Variants in RAD17 observed in about 807,000 individuals in gnomAD.
RAD17 encodes the protein cell cycle checkpoint protein RAD17.
Under a neutral mutation model 81.5 loss-of-function variants are expected in RAD17, and 31 were observed. The ratio of observed to expected loss-of-function variants is 0.38; its 90% CI spans 0.29 to 0.51. The LOEUF (loss-of-function observed/expected upper bound fraction) is 0.51. Among genes scored for constraint, RAD17 ranks in the 20% least tolerant of loss-of-function variants. The pLI is 0.88. For missense variants in RAD17, 681 were observed against 781.2 expected (o/e 0.87, Z 1.53); for synonymous variants, 261 against 266.2 (o/e 0.98, Z 0.19).
chr5:69,371,200 GTTT>G (rs376841818), intron 2 of RAD17, 29 bp downstream of exon 2: 1 of 428,358 alleles, frequency 2.3e-6, no homozygotes, highest in Non-Finnish European at 4.4e-6. Flanking sequence ...TGGTTTTTTT[GTTT>G]TTTTTTTTCT....
Position 69,374,011 on chromosome 5 carries a change from T to A in RAD17, c.191T>A (p.Ile64Asn), listed in dbSNP as rs1178544774. ...KRGNLSSLEQ[I>N]YGLENSKEYL... Reference sequence around the variant, plus strand: ...GGAAATCTATCTTCCTTAGAACAGATTTATGGTTTAGAAAATTCAAAAGAA... The same window carrying A: ...GGAAATCTATCTTCCTTAGAACAGAATTATGGTTTAGAAAATTCAAAAGAA... The change falls in exon 5 of 19, where the codon ATT becomes AAT. Residue 64 changes from isoleucine (I) to asparagine (N), a missense_variant. Transcript: ENST00000354868. 3.7e-6 allele frequency: 6 copies of A among 1,611,644 alleles called. No individual in the cohort carries two copies. The highest frequency in any genetic ancestry group is 5.1e-6 in the Non-Finnish European group (6 of 1,178,254).
chr5:69,371,870 G>C (rs1763029987), intron 3 of RAD17, among the ~76,000 whole-genome samples, 164 bp from the exon 4 acceptor site: 1 of 152,180 alleles, frequency 6.6e-6, no homozygotes, highest in Non-Finnish European at 1.5e-5. Flanking sequence ...TAGAAGTAAT[G>C]TAATTCAGTG....
intron 16 of RAD17, among the ~76,000 whole-genome samples, chr5:69,396,942 C>G (rs544895782): frequency 8.3e-4 from 126 of 152,280 alleles, no homozygotes; most frequent in Non-Finnish European, 1.5e-3. Context: ...AAGCAGTTCT[C>G]CTGCCTCAGC....
In RAD17 at chr5:69,373,931, AAGAAAAAATGGGCCTTCTACATT is replaced by A; in HGVS notation, c.117_139del (p.Asn40GlnfsTer29). The A allele has an allele frequency of 6.2e-7, 1 of 1,613,284 alleles. No homozygotes were observed. Among genetic ancestry groups the A allele is most frequent in the South Asian group, 1.1e-5 (1 of 91,066 alleles). ...TAGGTGTGAATAACTCAAGTCATAG[AAGAAAAAATGGGCCTTCTACATT>A]AGAAAGCAGCAGATTTCCAGCGAGA... On this transcript the variant is annotated frameshift_variant, in exon 5 of 19. Coordinates refer to ENST00000354868, the MANE Select transcript of RAD17 (RefSeq NM_133338.3). LOFTEE classifies it high-confidence loss of function.
chr5:69,389,802 A>G (rs936622901), intron 12 of RAD17, among the ~76,000 whole-genome samples: 5 of 152,042 alleles, frequency 3.3e-5, no homozygotes, highest in Admixed American at 6.6e-5. Context: ...CACCACGCCC[A>G]GCTAATTGTA....
intron 15 of RAD17, 105 bp from the exon 16 acceptor site, chr5:69,396,292 G>A: frequency 8.1e-7 from 1 of 1,239,098 alleles, no homozygotes. Flanking sequence ...TGAAGAAAGT[G>A]AACACATAGA....
rs575225070 is a variant in RAD17 at position 69,406,360 on chromosome 5, AGAATGGGATTACC to A, written c.1694-4132_1694-4120del. Among the ~76,000 whole-genome samples, 517 of 152,340 alleles carry A rather than the reference AGAATGGGATTACC, an allele frequency of 3.4e-3. 1 individual carries two copies. The highest frequency in any genetic ancestry group is 5.0e-3 in the Non-Finnish European group (339 of 68,040). ...AGTTGATCTCATAATAGTAGAGCAC[AGAATGGGATTACC>A]ATGGGCTTGGGTGGTAGGGGAGTTG... On this transcript the variant is annotated intron_variant, in intron 17 of 18. Transcript: ENST00000354868.
chr5:69,383,752 G>C (rs1764001991), intron 7 of RAD17, among the ~76,000 whole-genome samples: 1 of 152,078 alleles, frequency 6.6e-6, no homozygotes, highest in African/African-American at 2.4e-5. Context: ...AAGCATTTAA[G>C]GGATTCTCAC....
At chr5:69,403,631 AT>A (rs1248588081) in intron 17 of RAD17, among the ~76,000 whole-genome samples, 21 of 152,306 alleles carry the variant, frequency 1.4e-4, no homozygotes, top group African/African-American at 4.8e-4. Context: ...TATCTTTAAA[AT>A]TTCTGGGCCA....
Position 69,414,727 on chromosome 5 carries a change from G to T in RAD17, c.*435G>T. 5.3e-6 allele frequency: 1 copy of T among 187,680 alleles called. No homozygotes were observed. The highest frequency in any genetic ancestry group is 1.1e-5 in the Non-Finnish European group (1 of 89,490). The allele number at this position is 187,680 out of a possible 1,614,324, so 11.6% of individuals were successfully genotyped here. ...GCTTCTCAGATAGTTTTGATGTGTT[G>T]TACAGTGGAATATCTTAGATACTTT... On this transcript the variant is annotated 3_prime_UTR_variant, in exon 19 of 19. Coordinates refer to ENST00000354868, the MANE Select transcript of RAD17 (RefSeq NM_133338.3).
chr5:69,385,376 C>G (rs1036180949), intron 8 of RAD17, among the ~76,000 whole-genome samples: 1 of 147,730 alleles, frequency 6.8e-6, no homozygotes, highest in African/African-American at 2.5e-5. Flanking sequence ...TGAAACAATT[C>G]TCATGCCTCA....
rs1238626772 is a variant in RAD17 at position 69,386,258 on chromosome 5, A to G, written c.777A>G (p.Leu259=). 3 of 1,606,924 alleles carry G rather than the reference A, an allele frequency of 1.9e-6. No individual in the cohort carries two copies. The Admixed American group carries it at 5.0e-5, about 27-fold the overall frequency. ...DSLSGDNNQR[L]LFPKEIQEEC... is the part of the protein sequence containing the mutation. ...TCAGTGGAGATAATAATCAAAGGTT[A>G]TTGTTTCCCAAAGAAATTCAGGAAG... Residue 259 remains leucine (L), a synonymous_variant, in exon 10 of 19, where the codon TTA becomes TTG. Coordinates refer to ENST00000354868, the MANE Select transcript of RAD17 (RefSeq NM_133338.3).
chr5:69,407,576 T>C (rs1207113183), intron 17 of RAD17, among the ~76,000 whole-genome samples: 2 of 128,574 alleles, frequency 1.6e-5, no homozygotes, highest in African/African-American at 5.7e-5. Flanking sequence ...TTTTTTTTTT[T>C]TTTTTTTTTT....
At chr5:69,389,672 G>C (rs958977217) in intron 12 of RAD17, among the ~76,000 whole-genome samples, 1 of 152,180 alleles carries the variant, frequency 6.6e-6, no homozygotes, top group Non-Finnish European at 1.5e-5. Flanking sequence ...ACGGAGTCTC[G>C]CTCTGCCGCC....
Position 69,386,243 on chromosome 5 carries a change from T to G in RAD17, c.762T>G (p.Asp254Glu), listed in dbSNP as rs368875162. 6.2e-7 allele frequency: 1 copy of G among 1,608,082 alleles called. No individual in the cohort carries two copies. Among genetic ancestry groups the G allele is most frequent in the Non-Finnish European group, 8.5e-7 (1 of 1,176,374 alleles). Residue 254 changes from aspartate (D) to glutamate (E), a missense_variant, in exon 10 of 19, where the codon GAT (aspartate) becomes GAG (glutamate). Physicochemically the swap from Asp to Glu is conservative, Grantham distance 45. Coordinates refer to ENST00000354868, the MANE Select transcript of RAD17 (RefSeq NM_133338.3). ...IFIISDSLSG[D>E]NNQRLLFPKE... Reference sequence around the variant, plus strand: ...TAATCTCGGACAGTCTCAGTGGAGATAATAATCAAAGGTTATTGTTTCCCA... The same window carrying G: ...TAATCTCGGACAGTCTCAGTGGAGAGAATAATCAAAGGTTATTGTTTCCCA...
rs1764656370 is a variant in RAD17 at position 69,393,283 on chromosome 5, A to G, written c.1275+43A>G. The G allele has an allele frequency of 1.9e-6, 3 of 1,568,242 alleles. No individual in the cohort carries two copies. In the South Asian group the frequency reaches 3.4e-5, roughly 18 times the overall value. On this transcript the variant is annotated intron_variant, in intron 14 of 18. Transcript: ENST00000354868. ...ACTTAGTATAGGTTACAAAGGATATATTATTCGTGTGCATATATATTTGAC... is the reference window on the plus strand; with the variant it reads ...ACTTAGTATAGGTTACAAAGGATATGTTATTCGTGTGCATATATATTTGAC...
At chr5:69,387,941 G>T (rs1397913900) in intron 11 of RAD17, among the ~76,000 whole-genome samples, 4 of 152,134 alleles carry the variant, frequency 2.6e-5, no homozygotes, top group South Asian at 2.1e-4. Flanking sequence ...CAGGATGATC[G>T]CTGGAGCCTA....
chr5:69,369,759 C>A, upstream of RAD17: 1 of 1,481,250 alleles, frequency 6.8e-7, no homozygotes, highest in Non-Finnish European at 9.2e-7. Context: ...GTCACACACT[C>A]CTTCGGTGGT....
chr5:69,377,507 G>GTATATATGTGTATATATATGTGTA (rs1554038652), intron 6 of RAD17, among the ~76,000 whole-genome samples: 13 of 73,142 alleles, frequency 1.8e-4, no homozygotes, highest in African/African-American at 5.3e-4. Flanking sequence ...GTATATATAT[G>GTATATATGTGTATATATATGTGTA]TATATATACG....
Sources: allele counts gnomAD v4.1 joint callset (sites outside exome capture counted in the v4.1 genomes callset), GRCh38; gene constraint gnomAD v4.1.1; transcripts MANE v1.5; gene names NCBI Gene and HGNC (gene_info 2026-07-23, HGNC 2026-07-21).